Variants in SPRED1 observed in about 807,000 individuals in gnomAD.
SPRED1 encodes the protein sprouty related EVH1 domain containing 1.
A neutral mutation model predicts 52.3 loss-of-function variants in SPRED1; 18 were observed. The ratio of observed to expected loss-of-function variants is 0.34; its 90% CI spans 0.24 to 0.51. SPRED1 has a LOEUF of 0.51. SPRED1 is among the 20% of genes least tolerant of loss of function. SPRED1 has a pLI of 0.97. For synonymous variants in SPRED1, 155 were observed against 179.7 expected, an observed-to-expected ratio of 0.86 and a Z score of 1.10; for missense variants, 485 against 551.0, an observed-to-expected ratio of 0.88 and a Z score of 1.20.
intron 5 of SPRED1, among the ~76,000 whole-genome samples, chr15:38,345,615 G>A (rs1307855018): frequency 1.3e-5 from 2 of 152,176 alleles, no homozygotes; most frequent in Non-Finnish European, 2.9e-5. Flanking sequence ...TCATGTTTGT[G>A]TTGGTTTCCC....
At chr15:38,275,788 A>T (rs1411670752) in intron 1 of SPRED1, among the ~76,000 whole-genome samples, 1 of 152,156 alleles carries the variant, frequency 6.6e-6, no homozygotes. Context: ...GAGCCAGTGC[A>T]CCCCGCCGCT....
At position 38,352,264 on chromosome 15, in the gene SPRED1, T is replaced by G. The variant is rs1888507438; in HGVS notation, c.*600T>G. 1 of 150,218 alleles carries G rather than the reference T, an allele frequency of 6.7e-6. No individual in the cohort carries two copies. The allele number at this position is 150,218 out of a possible 1,614,324, so 9.3% of individuals were successfully genotyped here. On this transcript the variant is annotated 3_prime_UTR_variant, in exon 7 of 7. Transcript: ENST00000299084. ...TAGATATATATATATATATATCTACTGTCACATTCCATATATTTTGAATAT... is the reference window on the plus strand; with the variant it reads ...TAGATATATATATATATATATCTACGGTCACATTCCATATATTTTGAATAT...
intron 1 of SPRED1, among the ~76,000 whole-genome samples, chr15:38,296,383 A>G (rs112510864): frequency 2.6e-5 from 4 of 152,316 alleles, no homozygotes; most frequent in African/African-American, 9.6e-5. Context: ...AATTGCTGCC[A>G]TACATTTATC....
Position 38,352,055 on chromosome 15 carries a change from T to G in SPRED1, c.*391T>G, listed in dbSNP as rs555317480. The G allele has an allele frequency of 5.2e-6, 1 of 193,592 alleles. No homozygotes were observed. Among genetic ancestry groups the G allele is most frequent in the African/African-American group, 2.4e-5 (1 of 42,406 alleles). The allele number at this position is 193,592 out of a possible 1,614,324, so 12.0% of individuals were successfully genotyped here. On this transcript the variant is annotated 3_prime_UTR_variant, in exon 7 of 7. Transcript: ENST00000299084. ...AAATAAAAGTGCACTAGGGGACAGT[T>G]GATTTCAATCTAAGAAAAGTTAACA...
chr15:38,286,359 G>T (rs1894810293), intron 1 of SPRED1, among the ~76,000 whole-genome samples: 1 of 151,352 alleles, frequency 6.6e-6, no homozygotes, highest in South Asian at 2.1e-4. Flanking sequence ...TAAATCATTG[G>T]TAAATAGGAC....
rs370073425 is a variant in SPRED1, at chr15:38,356,499, A to C, written c.*4835A>C. On this transcript the variant is annotated 3_prime_UTR_variant, in exon 7 of 7. Transcript: ENST00000299084. Reference sequence around the variant, plus strand: ...CTCCTAGAGCTTATCAAATTATCACATAAGAGATAATTACTGGAGGAGAAA... The same window carrying C: ...CTCCTAGAGCTTATCAAATTATCACCTAAGAGATAATTACTGGAGGAGAAA... 1 of 152,136 alleles carries C rather than the reference A, an allele frequency of 6.6e-6. No individual in the cohort carries two copies. Among genetic ancestry groups the C allele is most frequent in the African/African-American group, 2.4e-5 (1 of 41,444 alleles). 9.4% of individuals were successfully genotyped at this position (152,136 alleles called of 1,614,324 possible). A position where few individuals can be genotyped will look rare whatever the true frequency, so the allele number is the denominator to read the frequency against.
rs66511254 is a variant in SPRED1 at position 38,293,099 on chromosome 15, C to CTTTTTTTTTTTTTTTT, written c.33-6270_33-6255dup. Among the ~76,000 whole-genome samples the CTTTTTTTTTTTTTTTT allele has an allele frequency of 1.5e-3, 136 of 90,728 alleles. 11 individuals are homozygous for CTTTTTTTTTTTTTTTT. The highest frequency in any genetic ancestry group is 1.9e-3 in the East Asian group (5 of 2,696). The allele number at this position is 90,728 out of a possible 152,430, so 59.5% of individuals were successfully genotyped here. ...TTAAGTAATTTACCCAAGATTACAA[C>CTTTTTTTTTTTTTTTT]TTTTTTTTTTTTTTTTTTTGAGACG... On this transcript the variant is annotated intron_variant, in intron 1 of 6. Transcript: ENST00000299084.
Position 38,297,131 on chromosome 15 carries a change from A to C in SPRED1, c.33-2242A>C, listed in dbSNP as rs115650250. On this transcript the variant is annotated intron_variant, in intron 1 of 6. Coordinates refer to ENST00000299084, the MANE Select transcript of SPRED1 (RefSeq NM_152594.3). ...CAAGCCTCTAGAACTGTGAGAAATA[A>C]ATTTCTCTTTATCATCTACCCAGTC... is the stretch of plus-strand genomic sequence containing the variant. Among the ~76,000 whole-genome samples, 1,223 of 152,256 alleles carry C rather than the reference A, an allele frequency of 8.0e-3. 16 individuals carry two copies. Among genetic ancestry groups the C allele is most frequent in the African/African-American group, 0.028 (1,149 of 41,536 alleles).
intron 1 of SPRED1, among the ~76,000 whole-genome samples, chr15:38,256,627 C>A (rs1194933317): frequency 6.6e-6 from 1 of 152,074 alleles, no homozygotes; most frequent in African/African-American, 2.4e-5. Flanking sequence ...TAGAATTAGA[C>A]CATGTATGAT....
chr15:38,347,742 T>G (rs1417501116), intron 5 of SPRED1, among the ~76,000 whole-genome samples: 1 of 152,084 alleles, frequency 6.6e-6, no homozygotes, highest in Non-Finnish European at 1.5e-5. Flanking sequence ...TTTGTTGTTC[T>G]ATTATAAATG....
At chr15:38,275,087 A>G (rs1894519938) in intron 1 of SPRED1, among the ~76,000 whole-genome samples, 2 of 152,230 alleles carry the variant, frequency 1.3e-5, no homozygotes, top group South Asian at 4.1e-4. Context: ...CTTGCCTGCA[A>G]CAATTACTGT....
chr15:38,266,643 AAAACAAAC>A (rs60503156), intron 1 of SPRED1, among the ~76,000 whole-genome samples: 39 of 151,888 alleles, frequency 2.6e-4, no homozygotes, highest in African/African-American at 7.5e-4. Flanking sequence ...TCTGTCTCAA[AAAACAAAC>A]AAACAAACAA....
At chr15:38,345,370 G>A (rs550309370) in intron 5 of SPRED1, among the ~76,000 whole-genome samples, 22 of 152,122 alleles carry the variant, frequency 1.4e-4, no homozygotes, top group Non-Finnish European at 2.2e-4. Flanking sequence ...GTAAATGCTC[G>A]ACAAAATAAC....
At chr15:38,308,088 A>T (rs1168690938) in intron 2 of SPRED1, among the ~76,000 whole-genome samples, 1 of 152,168 alleles carries the variant, frequency 6.6e-6, no homozygotes, top group Non-Finnish European at 1.5e-5. Context: ...GATGTCCTTT[A>T]CCATGATAAG....
intron 4 of SPRED1, among the ~76,000 whole-genome samples, chr15:38,336,254 T>C (rs1470777802): frequency 6.6e-6 from 1 of 151,592 alleles, no homozygotes. Context: ...AATAGTTCTC[T>C]ACCTAAAGGA....
chr15:38,264,442 A>G (rs1196345907), intron 1 of SPRED1, among the ~76,000 whole-genome samples: 1 of 152,244 alleles, frequency 6.6e-6, no homozygotes, highest in African/African-American at 2.4e-5. Flanking sequence ...GTAAGTGGGA[A>G]AAATGGAAAG....
rs572959480 is a variant in SPRED1 at position 38,356,559 on chromosome 15, CTTTAAA to C, written c.*4896_*4901del. The C allele has an allele frequency of 1.5e-3, 223 of 152,066 alleles. No homozygotes were observed. The highest frequency in any genetic ancestry group is 5.2e-3 in the African/African-American group (215 of 41,518). The allele number at this position is 152,066 out of a possible 1,614,324, so 9.4% of individuals were successfully genotyped here. A position where few individuals can be genotyped will look rare whatever the true frequency, so the allele number is the denominator to read the frequency against. On this transcript the variant is annotated 3_prime_UTR_variant, in exon 7 of 7. Coordinates refer to ENST00000299084, the MANE Select transcript of SPRED1 (RefSeq NM_152594.3). ...GAAGCTTTTGATAATTAGCTCTGTT[CTTTAAA>C]AGTATACTTTTAAACTGAAAGTTCA...
intron 2 of SPRED1, among the ~76,000 whole-genome samples, chr15:38,303,630 A>G (rs1317537807): frequency 1.3e-5 from 2 of 152,126 alleles, no homozygotes; most frequent in African/African-American, 4.8e-5. Flanking sequence ...GTTTTTAGTT[A>G]TCATGGGGAT....
At position 38,295,284 on chromosome 15, in the gene SPRED1, C is replaced by G. The variant is rs183412771; in HGVS notation, c.33-4089C>G. Among the ~76,000 whole-genome samples the G allele has an allele frequency of 2.9e-3, 413 of 140,336 alleles. 15 individuals are homozygous for G. In the East Asian group the frequency reaches 0.06, roughly 20 times the overall value. 92.1% of individuals were successfully genotyped at this position (140,336 alleles called of 152,430 possible). On this transcript the variant is annotated intron_variant, in intron 1 of 6. Coordinates refer to ENST00000299084, the MANE Select transcript of SPRED1 (RefSeq NM_152594.3). Reference sequence around the variant, plus strand: ...ATAGCTGATAAACTTTAAAAAAAATCACACAAAAATTTCATAATGTTTTAA... The same window carrying G: ...ATAGCTGATAAACTTTAAAAAAAATGACACAAAAATTTCATAATGTTTTAA...
Sources: allele counts gnomAD v4.1 joint callset (sites outside exome capture counted in the v4.1 genomes callset), GRCh38; gene constraint gnomAD v4.1.1; transcripts MANE v1.5; gene names NCBI Gene and HGNC (gene_info 2026-07-23, HGNC 2026-07-21).